Variants in ADA2 observed in about 807,000 individuals in gnomAD.
The protein encoded by ADA2 is adenosine deaminase 2, also known as adenosine deaminase CECR1.
In ADA2, 29 loss-of-function variants were observed where a neutral mutation model predicts 44.2. The ratio of observed to expected loss-of-function variants is 0.66; its 90% CI spans 0.49 to 0.89. The LOEUF (loss-of-function observed/expected upper bound fraction) is 0.89, where lower values mean the gene tolerates loss of function less well. ADA2 is among the 40% of genes least tolerant of loss of function. The pLI is 0.00. For missense variants in ADA2, 637 were observed against 644.8 expected (o/e 0.99, Z 0.13); for synonymous variants, 215 against 234.9 (o/e 0.92, Z 0.77).
chr22:17,212,730 C>T (rs1245632804), intron 1 of ADA2, among the ~76,000 whole-genome samples: 2 of 151,670 alleles, frequency 1.3e-5, no homozygotes, highest in South Asian at 2.1e-4. Flanking sequence ...ATGGCCAATA[C>T]GTATACGAAT....
chr22:17,217,851 G>A (rs1389475439), intron 1 of ADA2, among the ~76,000 whole-genome samples: 1 of 152,060 alleles, frequency 6.6e-6, no homozygotes, highest in African/African-American at 2.4e-5. Context: ...AAAATAAAAC[G>A]ATTGTTTCTC....
At chr22:17,188,868 A>AAAAAAAAAAAAAAATATATAT in intron 6 of ADA2, 40 of 81,160 alleles carry the variant, frequency 4.9e-4, no homozygotes, top group African/African-American at 1.6e-3. Context: ...AAGAGCAAAA[A>AAAAAAAAAAAAAAATATATAT]ATATATATAT....
At chr22:17,191,018 C>T (rs1469974831) in intron 5 of ADA2, among the ~76,000 whole-genome samples, 1 of 152,254 alleles carries the variant, frequency 6.6e-6, no homozygotes. Context: ...GGTGCCCGCC[C>T]CGTGCCTGAC....
At chr22:17,210,878 A>C (rs2062411714) in intron 1 of ADA2, among the ~76,000 whole-genome samples, 1 of 152,086 alleles carries the variant, frequency 6.6e-6, no homozygotes, top group South Asian at 2.1e-4. Context: ...ATGAGCCAAC[A>C]TGTCCAGCCA....
chr22:17,191,571 T>G, intron 5 of ADA2, 112 bp downstream of exon 5: 1 of 1,211,538 alleles, frequency 8.3e-7, no homozygotes, highest in Non-Finnish European at 1.2e-6. Flanking sequence ...GCACCAGTGC[T>G]GGGCCTCTCC....
intron 8 of ADA2, 38 bp from the exon 9 acceptor site, chr22:17,182,060 A>T: frequency 6.5e-7 from 1 of 1,532,936 alleles, no homozygotes; most frequent in Non-Finnish European, 9.0e-7. Flanking sequence ...ATGAACTCTG[A>T]TCCCTAAAAA....
chr22:17,202,857 C>T (rs2062307559), intron 4 of ADA2, among the ~76,000 whole-genome samples: 1 of 151,146 alleles, frequency 6.6e-6, no homozygotes, highest in African/African-American at 2.4e-5. Flanking sequence ...GATCTTGGCT[C>T]AGTGCAATCT....
At chr22:17,212,732 T>C (rs1212685365) in intron 1 of ADA2, among the ~76,000 whole-genome samples, 1 of 151,564 alleles carries the variant, frequency 6.6e-6, no homozygotes, top group Non-Finnish European at 1.5e-5. Context: ...GGCCAATACG[T>C]ATACGAATAA....
At chr22:17,199,846 A>G in intron 4 of ADA2, 1 of 1,024,740 alleles carries the variant, frequency 9.8e-7, no homozygotes, top group Non-Finnish European at 1.3e-6. Flanking sequence ...TGGGAGGCCG[A>G]CGTGGGTGTA....
chr22:17,214,262 C>A, intron 1 of ADA2: 1 of 312,182 alleles, frequency 3.2e-6, no homozygotes, highest in Non-Finnish European at 6.2e-6. Flanking sequence ...TTTACACACA[C>A]CCTCGCATCT....
Position 17,214,059 on chromosome 22 carries a change from A to AG in ADA2, c.-46-4337_-46-4336insC, listed in dbSNP as rs1435892088. ...TGTCTCAAAAAAAAAAAAAAAAAAA[A>AG]ATAGCATCCAAAACCCACAAGCAGA... is the stretch of plus-strand genomic sequence containing the variant. On this transcript the variant is annotated intron_variant, in intron 1 of 9. Coordinates refer to ENST00000399837, the MANE Select transcript of ADA2 (RefSeq NM_001282225.2). 634 of 486,236 alleles carry AG rather than the reference A, an allele frequency of 1.3e-3. 5 individuals carry two copies. The highest frequency in any genetic ancestry group is 3.1e-3 in the South Asian group (169 of 55,086). The allele number at this position is 486,236 out of a possible 1,614,324, so 30.1% of individuals were successfully genotyped here. A position where few individuals can be genotyped will look rare whatever the true frequency, so the allele number is the denominator to read the frequency against.
chr22:17,213,754 C>T, intron 1 of ADA2: 1 of 246,324 alleles, frequency 4.1e-6, no homozygotes, highest in Non-Finnish European at 8.1e-6. Context: ...AGAAAGCATC[C>T]AGGCCAGGCT....
At chr22:17,215,985 G>A (rs1203189525) in intron 1 of ADA2, among the ~76,000 whole-genome samples, 56 of 151,778 alleles carry the variant, frequency 3.7e-4, no homozygotes, top group African/African-American at 1.2e-3. Context: ...TCAGGAGTTC[G>A]AGACCAGCCT....
chr22:17,200,972 T>G (rs954610236), intron 4 of ADA2, among the ~76,000 whole-genome samples: 3 of 151,272 alleles, frequency 2.0e-5, no homozygotes, highest in African/African-American at 7.3e-5. Flanking sequence ...CTGGAATAAC[T>G]TGAATAACGA....
chr22:17,182,105 A>G (rs1297893323), intron 8 of ADA2, 83 bp from the exon 9 acceptor site: 1 of 1,074,910 alleles, frequency 9.3e-7, no homozygotes, highest in Non-Finnish European at 1.4e-6. Context: ...CTTGAGCCCC[A>G]TCAGCTCCCT....
At position 17,181,984 on chromosome 22, in the gene ADA2, T is replaced by C. The variant is rs756045321; in HGVS notation, c.1278A>G (p.Val426=). Residue 426 remains valine (V), a synonymous_variant, in exon 9 of 10, where the codon GTA becomes GTG. Transcript: ENST00000399837. ...GGTGCCCAGTGGCCATCAGAGTGGCTACAGGGTGGTTCCTCAAGTCAGACA... is the reference window on the plus strand; with the variant it reads ...GGTGCCCAGTGGCCATCAGAGTGGCCACAGGGTGGTTCCTCAAGTCAGACA... ...KLVSDLRNHP[V]ATLMATGHPM... 5 of 1,613,978 alleles carry C rather than the reference T, an allele frequency of 3.1e-6. No individual in the cohort carries two copies. In the African/African-American group the frequency reaches 5.3e-5, roughly 17 times the overall value.
chr22:17,203,679 TGAA>T lies in ADA2; in HGVS notation c.634_636del (p.Phe212del), dbSNP rs2123699776. The T allele has an allele frequency of 6.2e-7, 1 of 1,613,966 alleles. No homozygotes were observed. The highest frequency in any genetic ancestry group is 1.1e-5 in the South Asian group (1 of 91,084). On this transcript the variant is annotated inframe_deletion, in exon 4 of 10. Transcript: ENST00000399837. ...GCGTAATGGATGAGACCAGAGATGG[TGAA>T]GAAGATGGTTTCAAATTTCGACCAG...
intron 4 of ADA2, among the ~76,000 whole-genome samples, chr22:17,199,219 C>G (rs533780461): frequency 9.3e-4 from 141 of 152,158 alleles, no homozygotes; most frequent in African/African-American, 3.3e-3. Context: ...GGACAGAGGA[C>G]TGGAGCTGGG....
chr22:17,208,952 C>T (rs1453619187), intron 2 of ADA2, among the ~76,000 whole-genome samples: 5 of 152,018 alleles, frequency 3.3e-5, no homozygotes, highest in Admixed American at 2.6e-4. Context: ...ACTCAGCCTC[C>T]AGAGTAGCTC....
Sources: allele counts gnomAD v4.1 joint callset (sites outside exome capture counted in the v4.1 genomes callset), GRCh38; gene constraint gnomAD v4.1.1; transcripts MANE v1.5; gene names NCBI Gene and HGNC (gene_info 2026-07-23, HGNC 2026-07-21).